The following TOM1L1 variants were observed in gnomAD, a reference collection of about 807,000 sequenced individuals.
TOM1L1 encodes TOM1-like protein 1.
TOM1L1 carries 64 observed loss-of-function variants against 63.4 expected under a neutral mutation model. The observed-to-expected ratio is 1.01, with a 90% CI of 0.83 to 1.24. TOM1L1 has a LOEUF of 1.24. TOM1L1 is among the 50% of genes most tolerant of loss of function. The pLI is 0.00. For synonymous variants in TOM1L1, 166 were observed against 194.4 expected, an observed-to-expected ratio of 0.85 and a Z score of 1.22; for missense variants, 536 against 567.0, an observed-to-expected ratio of 0.95 and a Z score of 0.55.
chr17:54,944,440 A>G (rs1279360399), intron 11 of TOM1L1, among the ~76,000 whole-genome samples: 2 of 125,118 alleles, frequency 1.6e-5, no homozygotes, highest in Admixed American at 1.6e-4. Context: ...ACACAGCAAG[A>G]CTCTATCTCA....
rs111314586 is a variant in TOM1L1 at position 54,939,163 on chromosome 17, C to T, written c.1130+143C>T. On this transcript the variant is annotated intron_variant, in intron 11 of 15. Coordinates refer to ENST00000575882, the MANE Select transcript of TOM1L1 (RefSeq NM_005486.3). Reference sequence around the variant, plus strand: ...CCAAGGCACATGGATCACTTGAGCCCAGGAGTTTGAGACCAGCCTGGGCAA... The same window carrying T: ...CCAAGGCACATGGATCACTTGAGCCTAGGAGTTTGAGACCAGCCTGGGCAA... 1.6e-3 allele frequency: 768 copies of T among 495,116 alleles called. 7 individuals carry two copies. The highest frequency in any genetic ancestry group is 0.014 in the African/African-American group (693 of 49,942). 30.7% of individuals were successfully genotyped at this position (495,116 alleles called of 1,614,324 possible).
At chr17:54,953,763 A>G (rs2049351979) in intron 14 of TOM1L1, 1 of 152,184 alleles carries the variant, frequency 6.6e-6, no homozygotes, top group African/African-American at 2.4e-5. Flanking sequence ...TATAGACCTT[A>G]AAGGAGATGT....
rs2048736197 is a variant in TOM1L1, at chr17:54,924,446, T to A, written c.721-5627T>A. On this transcript the variant is annotated intron_variant, in intron 7 of 15. Transcript: ENST00000575882. Reference sequence around the variant, plus strand: ...AGGTGCCCGCCACCATGCCCAGCTATTTTTTGTATTTTTGGTAGAGATGGG... The same window carrying A: ...AGGTGCCCGCCACCATGCCCAGCTAATTTTTGTATTTTTGGTAGAGATGGG... 1.3e-5 allele frequency among the ~76,000 whole-genome samples: 2 copies of A among 151,868 alleles called. 1 individual carries two copies. Among genetic ancestry groups the A allele is most frequent in the African/African-American group, 4.8e-5 (2 of 41,360 alleles).
At position 54,960,558 on chromosome 17, in the gene TOM1L1, T is replaced by C; in HGVS notation, c.1371-8T>C. The C allele has an allele frequency of 1.2e-6, 2 of 1,612,180 alleles. No homozygotes were observed. Among genetic ancestry groups the C allele is most frequent in the Non-Finnish European group, 1.7e-6 (2 of 1,178,844 alleles). On this transcript the variant is annotated splice_polypyrimidine_tract_variant and splice_region_variant and intron_variant, in intron 14 of 15. Coordinates refer to ENST00000575882, the MANE Select transcript of TOM1L1 (RefSeq NM_005486.3). ...CATAACCCTTTTGCTGTGATGGCTT[T>C]GTTTCAGAGCTATTTATGAAGAAAT...
At chr17:54,938,861 A>G in intron 10 of TOM1L1, 63 bp from the exon 11 acceptor site, 1 of 880,566 alleles carries the variant, frequency 1.1e-6, no homozygotes, top group East Asian at 2.8e-5. Flanking sequence ...TTTACTGTAG[A>G]AAATCCAGCA....
chr17:54,914,741 C>A lies in TOM1L1; in HGVS notation c.601C>A (p.Gln201Lys), dbSNP rs1187699723. The change falls in exon 6 of 16, where the codon CAG (glutamine) becomes AAG (lysine). Residue 201 changes from glutamine to lysine, a missense_variant and splice_region_variant. Physicochemically the swap from Gln to Lys is moderately conservative, Grantham distance 53. Transcript: ENST00000575882. ...KNSTVTLVPE[Q>K]IGKLHSELDM... The stretch of plus-strand genomic sequence containing the variant: ...CTCGACTGTTACATTGGTCCCAGAA[C>A]AGGTAACAACAACAATCATTGCATT... 2 of 1,598,894 alleles carry A rather than the reference C, an allele frequency of 1.3e-6. No homozygotes were observed. The highest frequency in any genetic ancestry group is 1.1e-5 in the South Asian group (1 of 90,744).
intron 7 of TOM1L1, among the ~76,000 whole-genome samples, chr17:54,918,312 C>A (rs889119172): frequency 6.6e-6 from 1 of 152,156 alleles, no homozygotes. Context: ...AGCTAGAGGT[C>A]ATTTCTCCTA....
chr17:54,920,972 C>T (rs2048674493), intron 7 of TOM1L1, among the ~76,000 whole-genome samples: 1 of 151,938 alleles, frequency 6.6e-6, no homozygotes, highest in South Asian at 2.1e-4. Context: ...ATTTGGCTTG[C>T]CATCTCGCTT....
intron 14 of TOM1L1, chr17:54,959,122 A>C (rs1407560310): frequency 6.6e-6 from 1 of 152,216 alleles, no homozygotes; most frequent in East Asian, 1.9e-4. Context: ...AATCGTTTTG[A>C]GGGAGATGAG....
intron 7 of TOM1L1, among the ~76,000 whole-genome samples, chr17:54,925,793 A>C (rs933297079): frequency 6.6e-6 from 1 of 152,038 alleles, no homozygotes; most frequent in Non-Finnish European, 1.5e-5. Context: ...AGTCGCAGTC[A>C]CTCAGGAGGT....
chr17:54,953,383 C>G (rs1448814913), intron 14 of TOM1L1: 1 of 152,256 alleles, frequency 6.6e-6, no homozygotes, highest in African/African-American at 2.4e-5. Context: ...GAAAAAAAAT[C>G]CAACTGGTTG....
chr17:54,924,026 G>A (rs543355240), intron 7 of TOM1L1, among the ~76,000 whole-genome samples: 9 of 151,994 alleles, frequency 5.9e-5, no homozygotes, highest in Admixed American at 1.3e-4. Context: ...AAACCAGATC[G>A]TGTTGTTCCT....
chr17:54,901,353 T>G (rs753439543), intron 1 of TOM1L1: 1 of 171,060 alleles, frequency 5.8e-6, no homozygotes, highest in South Asian at 1.8e-4. Flanking sequence ...GTGGCCTTAC[T>G]GTGAGGGGCA....
rs759566669 is a variant in TOM1L1 at position 54,949,555 on chromosome 17, TTAGTCTA to T, written c.1221_1227del (p.Ser408LysfsTer22). On this transcript the variant is annotated frameshift_variant, in exon 13 of 16. Transcript: ENST00000575882. LOFTEE classifies it high-confidence loss of function. ...TCAAATTCAGTGTTTCTACAGCCAG[TTAGTCTA>T]CAAACCATTGCAGCAGCACCATCAA... 4 of 1,613,914 alleles carry T rather than the reference TTAGTCTA, an allele frequency of 2.5e-6. No individual in the cohort carries two copies. Among genetic ancestry groups the T allele is most frequent in the Non-Finnish European group, 3.4e-6 (4 of 1,179,940 alleles).
At chr17:54,936,761 C>T (rs1307630316) in intron 9 of TOM1L1, 52 bp downstream of exon 9, 2 of 1,486,854 alleles carry the variant, frequency 1.3e-6, no homozygotes, top group Admixed American at 2.0e-5. Context: ...TTGCCAATTA[C>T]AGTGAGAAGC....
In TOM1L1 at chr17:54,960,627, G is replaced by A. The variant is rs1598098852; in HGVS notation, c.*1G>A. 6.2e-7 allele frequency: 1 copy of A among 1,603,964 alleles called. No homozygotes were observed. The highest frequency in any genetic ancestry group is 8.5e-7 in the Non-Finnish European group (1 of 1,171,548). On this transcript the variant is annotated splice_region_variant and 3_prime_UTR_variant, in exon 15 of 16. Coordinates refer to ENST00000575882, the MANE Select transcript of TOM1L1 (RefSeq NM_005486.3). ...AGGAGCTCAAAATGATGGTGACTGA[G>A]GTAAAGACTTCAACTTATACAACTT...
intron 2 of TOM1L1, 94 bp from the exon 3 acceptor site, chr17:54,905,395 C>A: frequency 1.2e-6 from 1 of 818,754 alleles, no homozygotes; most frequent in Non-Finnish European, 2.0e-6. Context: ...TGCTCCTTAG[C>A]CATTCCTCTC....
intron 7 of TOM1L1, 78 bp from the exon 8 acceptor site, chr17:54,929,995 T>C: frequency 1.9e-6 from 3 of 1,580,298 alleles, no homozygotes; most frequent in Non-Finnish European, 2.6e-6. Flanking sequence ...ACTGTAGGTA[T>C]GCGCAGATTG....
intron 11 of TOM1L1, among the ~76,000 whole-genome samples, chr17:54,945,192 CCTTT>C (rs1474525417): frequency 3.9e-5 from 6 of 152,158 alleles, no homozygotes; most frequent in African/African-American, 1.2e-4. Flanking sequence ...TCTCCCTCTG[CCTTT>C]CTAAGGTGAT....
Sources: gnomAD v4.1 joint callset for allele counts (sites outside exome capture counted in the v4.1 genomes callset) on GRCh38, gnomAD v4.1.1 for gene constraint, MANE v1.5 for transcripts, NCBI Gene and HGNC (gene_info 2026-07-23, HGNC 2026-07-21) for gene names.